Variants in ANKHD1 observed in about 807,000 individuals in gnomAD.
The protein encoded by ANKHD1 is ankyrin repeat and KH domain-containing protein 1.
In ANKHD1, 31 loss-of-function variants were observed where a neutral mutation model predicts 230.5. The observed-to-expected ratio is 0.13, with a 90% confidence interval of 0.10 to 0.18. The LOEUF (loss-of-function observed/expected upper bound fraction) is 0.18, where lower values mean the gene tolerates loss of function less well. Ranked by LOEUF, ANKHD1 falls within the 10% of genes least tolerant of loss-of-function variation. The pLI, the probability that ANKHD1 is intolerant of heterozygous loss-of-function variation, is 1.00. For missense variants in ANKHD1, 2,256 were observed against 3,071.3 expected (o/e 0.73, Z 6.27); for synonymous variants, 1,074 against 1,117.6 (o/e 0.96, Z 0.78).
intron 1 of ANKHD1, among the ~76,000 whole-genome samples, chr5:140,406,374 G>A (rs1184124242): frequency 1.3e-5 from 2 of 152,072 alleles, no homozygotes; most frequent in Non-Finnish European, 2.9e-5. Flanking sequence ...TAAGAAATGT[G>A]GAGCCCTAGT....
intron 20 of ANKHD1, among the ~76,000 whole-genome samples, chr5:140,508,323 T>A (rs1752621866): frequency 6.6e-6 from 1 of 152,242 alleles, no homozygotes; most frequent in Non-Finnish European, 1.5e-5. Context: ...AGAACACCTT[T>A]AATGAGGTAT....
In ANKHD1 at chr5:140,496,652, T is replaced by C. The variant is rs751247085; in HGVS notation, c.2378T>C (p.Ile793Thr). 6.2e-7 allele frequency: 1 copy of C among 1,613,814 alleles called. No homozygotes were observed. Residue 793 changes from isoleucine to threonine, a missense_variant, in exon 15 of 34, where the codon ATT becomes ACT. Ile to Thr is a moderately conservative substitution (Grantham distance 89). Coordinates refer to ENST00000360839, the MANE Select transcript of ANKHD1 (RefSeq NM_017747.3). ...EGKLNELGQR[I>T]SAIEKAQLKS... ...AAGCTGAATGAACTGGGACAAAGAA[T>C]TAGTGCTATTGAAAAAGCACAGCTT...
At position 140,520,930 on chromosome 5, in the gene ANKHD1, A is replaced by T. The variant is rs1232327657; in HGVS notation, c.4318-3136A>T. Among the ~76,000 whole-genome samples, 5 of 79,632 alleles carry T rather than the reference A, an allele frequency of 6.3e-5. 1 individual carries two copies. Among genetic ancestry groups the T allele is most frequent in the African/African-American group, 1.5e-4 (3 of 20,588 alleles). 52.2% of individuals were successfully genotyped at this position (79,632 alleles called of 152,430 possible). Reference sequence around the variant, plus strand: ...TGTACCCTAAAACTTAAAGTATAATAAAAAAAAAAAAAAAAGACTATCCAG... The same window carrying T: ...TGTACCCTAAAACTTAAAGTATAATTAAAAAAAAAAAAAAAGACTATCCAG... On this transcript the variant is annotated intron_variant, in intron 24 of 33. Transcript: ENST00000360839.
intron 1 of ANKHD1, among the ~76,000 whole-genome samples, chr5:140,427,840 G>A (rs1422388739): frequency 2.0e-5 from 3 of 151,948 alleles, no homozygotes; most frequent in East Asian, 1.9e-4. Context: ...CTTCCCAGAC[G>A]GGGTGGCTGC....
At chr5:140,536,624 G>T (rs975703893) in intron 30 of ANKHD1, among the ~76,000 whole-genome samples, 1 of 152,154 alleles carries the variant, frequency 6.6e-6, no homozygotes, top group African/African-American at 2.4e-5. Flanking sequence ...GAAACAAAAA[G>T]GGCTGTAGAA....
At chr5:140,412,895 C>T (rs1230645701) in intron 1 of ANKHD1, among the ~76,000 whole-genome samples, 4 of 152,164 alleles carry the variant, frequency 2.6e-5, no homozygotes, top group Admixed American at 2.6e-4. Flanking sequence ...AATTTAGCAA[C>T]TATTTGTGGA....
In ANKHD1 at chr5:140,422,521, C is replaced by T. The variant is rs148012385; in HGVS notation, c.307-13583C>T. 3.9e-5 allele frequency among the ~76,000 whole-genome samples: 6 copies of T among 152,150 alleles called. No homozygotes were observed. The East Asian group carries it at 1.2e-3, about 30-fold the overall frequency. ...GACTACAAAGATGAAAAAATATGTT[C>T]CCTGTCCTTAAAGACATCAGTCTTC... On this transcript the variant is annotated intron_variant, in intron 1 of 33. Coordinates refer to ENST00000360839, the MANE Select transcript of ANKHD1 (RefSeq NM_017747.3).
chr5:140,532,053 A>G (rs1292105785), intron 29 of ANKHD1, among the ~76,000 whole-genome samples: 1 of 152,058 alleles, frequency 6.6e-6, no homozygotes, highest in East Asian at 1.9e-4. Flanking sequence ...CTAAAATACA[A>G]AACATTAGCT....
chr5:140,531,484 G>A (rs903371385), intron 29 of ANKHD1: 4 of 189,572 alleles, frequency 2.1e-5, no homozygotes, highest in Non-Finnish European at 3.4e-5. Flanking sequence ...GGGAGGCTGA[G>A]GCACAGGAAT....
At chr5:140,490,172 T>A (rs1751705299) in intron 14 of ANKHD1, among the ~76,000 whole-genome samples, 1 of 152,170 alleles carries the variant, frequency 6.6e-6, no homozygotes, top group South Asian at 2.1e-4. Flanking sequence ...GTGTCGTGTA[T>A]GTGATTAGGG....
intron 14 of ANKHD1, among the ~76,000 whole-genome samples, chr5:140,490,233 TCATCTTTTCAGGTTCTTATAA>T (rs1751710024): frequency 6.6e-6 from 1 of 152,202 alleles, no homozygotes; most frequent in Non-Finnish European, 1.5e-5. Flanking sequence ...CTTCCAGCGA[TCATCTTTTCAGGTTCTTATAA>T]CATTTTACTC....
intron 10 of ANKHD1, among the ~76,000 whole-genome samples, chr5:140,467,470 C>G (rs1404734016): frequency 2.0e-5 from 3 of 151,974 alleles, no homozygotes; most frequent in Non-Finnish European, 2.9e-5. Flanking sequence ...GTCCTAGCTA[C>G]CAAGGAGGCA....
intron 1 of ANKHD1, among the ~76,000 whole-genome samples, chr5:140,419,784 T>TTCTTTCTCTCTTTCTC (rs772397260): frequency 1.5e-5 from 1 of 68,606 alleles, no homozygotes; most frequent in Non-Finnish European, 3.2e-5. Context: ...TTTTCTTTCT[T>TTCTTTCTCTCTTTCTC]TCTTTCTTTC....
chr5:140,403,861 G>A (rs982748153), intron 1 of ANKHD1, among the ~76,000 whole-genome samples: 6 of 152,160 alleles, frequency 3.9e-5, no homozygotes, highest in African/African-American at 1.4e-4. Context: ...CCGGCTCTTG[G>A]ATTTGAGAGG....
Position 140,472,098 on chromosome 5 carries a change from CT to C in ANKHD1, c.1782+7323del, listed in dbSNP as rs1044644900. The C allele has an allele frequency of 1.4e-5, 10 of 696,438 alleles. No individual in the cohort carries two copies. In the Admixed American group the frequency reaches 2.8e-4, roughly 19 times the overall value. The allele number at this position is 696,438 out of a possible 1,614,324, so 43.1% of individuals were successfully genotyped here. On this transcript the variant is annotated intron_variant, in intron 10 of 33. Transcript: ENST00000360839. The stretch of plus-strand genomic sequence containing the variant: ...TACTCTGCTCATGACATTACAGTCT[CT>C]ACAGATGAGAATCTTTTTAGTTGAA...
chr5:140,536,884 G>C (rs1440727842), intron 30 of ANKHD1, among the ~76,000 whole-genome samples: 1 of 152,064 alleles, frequency 6.6e-6, no homozygotes, highest in African/African-American at 2.4e-5. Flanking sequence ...TACCAGGTGA[G>C]GTGGTGCATG....
chr5:140,456,247 G>C (rs778371012), intron 7 of ANKHD1, among the ~76,000 whole-genome samples: 2 of 152,184 alleles, frequency 1.3e-5, no homozygotes, highest in Non-Finnish European at 2.9e-5. Context: ...CATGCTCATG[G>C]ATAGGGAGAT....
Position 140,504,969 on chromosome 5 carries a change from G to A in ANKHD1, c.3150+3G>A, listed in dbSNP as rs1278728494. 6.2e-7 allele frequency: 1 copy of A among 1,613,216 alleles called. No individual in the cohort carries two copies. Among genetic ancestry groups the A allele is most frequent in the East Asian group, 2.2e-5 (1 of 44,888 alleles). On this transcript the variant is annotated splice_donor_region_variant and intron_variant, in intron 16 of 33. Transcript: ENST00000360839. ...CTTCAGTTGACATTGATGCACATGT[G>A]AGTAGATTGCTTTATTTAAACTTAT... is the stretch of plus-strand genomic sequence containing the variant.
chr5:140,521,655 C>T (rs1166013291), intron 24 of ANKHD1, among the ~76,000 whole-genome samples: 1 of 151,988 alleles, frequency 6.6e-6, no homozygotes, highest in Admixed American at 6.6e-5. Context: ...GAAATTCACT[C>T]CACAAACCAT....
Sources: allele counts gnomAD v4.1 joint callset (sites outside exome capture counted in the v4.1 genomes callset), GRCh38; gene constraint gnomAD v4.1.1; transcripts MANE v1.5; gene names NCBI Gene and HGNC (gene_info 2026-07-23, HGNC 2026-07-21).